STS: variants seen among roughly 807,000 people sequenced by gnomAD.
The protein encoded by STS is steroid sulfatase, also known as steryl-sulfatase.
In STS, 7 loss-of-function variants were observed where a neutral mutation model predicts 26.8. That is an observed-to-expected ratio of 0.26 (90% CI 0.15 to 0.49). The LOEUF is 0.49. Ranked by LOEUF, STS falls within the 20% of genes least tolerant of loss-of-function variation. The pLI is 0.98. For synonymous variants in STS, 199 were observed against 189.4 expected (o/e 1.05, Z -0.42); for missense variants, 434 against 465.6 (o/e 0.93, Z 0.63).
intron 7 of STS, among the ~76,000 whole-genome samples, chrX:7,288,686 G>A (rs1179194700): frequency 9.6e-6 from 1 of 104,560 alleles, no homozygotes; most frequent in African/African-American, 3.6e-5. Flanking sequence ...GTGTGTGTCT[G>A]TGATGGACCA....
chrX:7,206,878 T>C (rs1484099473), intron 2 of STS, among the ~76,000 whole-genome samples: 1 of 112,395 alleles, frequency 8.9e-6, no homozygotes, highest in African/African-American at 3.2e-5. Flanking sequence ...ATTCTTTTTC[T>C]GTACTCCATT....
At chrX:7,250,112 A>G (rs756622075) in intron 2 of STS, among the ~76,000 whole-genome samples, 8 of 109,885 alleles carry the variant, frequency 7.3e-5, no homozygotes, top group Non-Finnish European at 1.5e-4. Context: ...ATTTTTTTGT[A>G]GAGATAGGAA....
At chrX:7,309,013 CT>C (rs1241111011) in intron 8 of STS, among the ~76,000 whole-genome samples, 3 of 109,150 alleles carry the variant, frequency 2.7e-5, no homozygotes, top group Non-Finnish European at 3.8e-5. Context: ...GCTATTTGAA[CT>C]TTTTTTTTTC....
chrX:7,259,518 C>T lies in STS; in HGVS notation c.552C>T (p.Pro184=). Residue 184 remains proline (P), a synonymous_variant, in exon 6 of 11, where the codon CCC becomes CCT. Coordinates refer to ENST00000674429, the MANE Select transcript of STS (RefSeq NM_001320752.2). ...GCTTCAAGAGGCTGGTCTTCCTCCC[C>T]CTGCAGATCGTCGGGGTCACCCTCC... is the stretch of plus-strand genomic sequence containing the variant. The part of the protein sequence containing the change: ...TTGFKRLVFL[P]LQIVGVTLLT... 1.7e-6 allele frequency: 2 copies of T among 1,211,866 alleles called. No homozygotes were observed. The highest frequency in any genetic ancestry group is 2.2e-6 in the Non-Finnish European group (2 of 895,466).
intron 1 of STS, among the ~76,000 whole-genome samples, chrX:7,160,394 A>T (rs776212660): frequency 1.2e-4 from 14 of 112,420 alleles, no homozygotes; most frequent in Non-Finnish European, 1.7e-4. Flanking sequence ...ATATGTTTTC[A>T]TTTGCTCATT....
At position 7,277,065 on chromosome X, in the gene STS, T is replaced by G. The variant is rs188914904; in HGVS notation, c.943+978T>G. ...CTGAATGAGGTAGGGAAGGCCTTAGTGTGTGAGTTACGCAAAGGAGTGAAA... is the reference window on the plus strand; with the variant it reads ...CTGAATGAGGTAGGGAAGGCCTTAGGGTGTGAGTTACGCAAAGGAGTGAAA... On this transcript the variant is annotated intron_variant, in intron 7 of 10. Transcript: ENST00000674429. Among the ~76,000 whole-genome samples, 16 of 111,255 alleles carry G rather than the reference T, an allele frequency of 1.4e-4. No individual in the cohort carries two copies. In the East Asian group the frequency reaches 4.6e-3, roughly 32 times the overall value.
chrX:7,170,876 A>G (rs1933453586), intron 1 of STS, among the ~76,000 whole-genome samples: 1 of 111,758 alleles, frequency 8.9e-6, no homozygotes, highest in African/African-American at 3.3e-5. Flanking sequence ...GAGTCACTGT[A>G]TTGATAACTC....
intron 2 of STS, among the ~76,000 whole-genome samples, chrX:7,196,512 T>TA (rs60664866): frequency 8.5e-5 from 9 of 105,660 alleles, no homozygotes; most frequent in East Asian, 6.0e-4. Context: ...TGTACTGATG[T>TA]AAAAAAAAAA....
At chrX:7,194,820 A>C (rs767680716) in intron 2 of STS, among the ~76,000 whole-genome samples, 1 of 111,883 alleles carries the variant, frequency 8.9e-6, no homozygotes, top group East Asian at 2.8e-4. Flanking sequence ...ATACGTTCTG[A>C]GAAATGCTCT....
chrX:7,220,970 G>A lies in STS; in HGVS notation c.-5+29962G>A, dbSNP rs1321963168. Among the ~76,000 whole-genome samples, 4 of 111,664 alleles carry A rather than the reference G, an allele frequency of 3.6e-5. 1 individual carries two copies. The highest frequency in any genetic ancestry group is 9.5e-5 in the Admixed American group (1 of 10,504). On this transcript the variant is annotated intron_variant, in intron 2 of 10. Coordinates refer to ENST00000674429, the MANE Select transcript of STS (RefSeq NM_001320752.2). ...AATATTCCGACTCTGGTCTGACTTC[G>A]TGTAAACAGCTGAGTGGAACTCATC... is the stretch of plus-strand genomic sequence containing the variant.
At chrX:7,184,147 A>G (rs1483089733) in intron 1 of STS, among the ~76,000 whole-genome samples, 5 of 112,629 alleles carry the variant, frequency 4.4e-5, no homozygotes, top group African/African-American at 1.6e-4. Context: ...ACTATCCCCA[A>G]TGCACAACAA....
At chrX:7,309,656 A>C (rs1340683696) in intron 8 of STS, among the ~76,000 whole-genome samples, 1 of 111,933 alleles carries the variant, frequency 8.9e-6, no homozygotes, top group Non-Finnish European at 1.9e-5. Context: ...TCATCCTTCC[A>C]TTAAATTCAA....
chrX:7,207,425 G>A (rs1054662568), intron 2 of STS, among the ~76,000 whole-genome samples: 1 of 112,305 alleles, frequency 8.9e-6, no homozygotes, highest in Non-Finnish European at 1.9e-5. Context: ...TACAGGATTG[G>A]AGAATGGTGG....
chrX:7,168,468 C>T (rs1414373048), intron 1 of STS, among the ~76,000 whole-genome samples: 1 of 111,879 alleles, frequency 8.9e-6, no homozygotes, highest in Non-Finnish European at 1.9e-5. Flanking sequence ...TCCTGCAATG[C>T]ATCACAGTAA....
rs747388197 is a variant in STS, at chrX:7,272,179, G to A, written c.807-3772G>A. 2.9e-5 allele frequency among the ~76,000 whole-genome samples: 3 copies of A among 102,906 alleles called. 1 individual carries two copies. In the South Asian group the frequency reaches 1.3e-3, roughly 46 times the overall value. The allele number at this position is 102,906 out of a possible 115,157, so 89.4% of individuals were successfully genotyped here. A position where few individuals can be genotyped will look rare whatever the true frequency, so the allele number is the denominator to read the frequency against. Reference sequence around the variant, plus strand: ...TTTTTGGCTATCATGAGAAGTTAAGGAAGCCAGGAATACATAGAAGAAAAA... The same window carrying A: ...TTTTTGGCTATCATGAGAAGTTAAGAAAGCCAGGAATACATAGAAGAAAAA... On this transcript the variant is annotated intron_variant, in intron 6 of 10. Coordinates refer to ENST00000674429, the MANE Select transcript of STS (RefSeq NM_001320752.2).
At chrX:7,321,969 C>T (rs948153675) in intron 8 of STS, among the ~76,000 whole-genome samples, 4 of 112,252 alleles carry the variant, frequency 3.6e-5, no homozygotes, top group African/African-American at 9.7e-5. Context: ...CATCCCTCAA[C>T]GGGAGGTGTT....
At chrX:7,268,841 G>A (rs1276118487) in intron 6 of STS, among the ~76,000 whole-genome samples, 13 of 110,204 alleles carry the variant, frequency 1.2e-4, no homozygotes, top group African/African-American at 4.3e-4. Context: ...GCAAGACCCT[G>A]TGTCTACAAA....
intron 6 of STS, 82 bp downstream of exon 6, chrX:7,259,854 G>GT: frequency 9.0e-7 from 1 of 1,116,939 alleles, no homozygotes; most frequent in Non-Finnish European, 1.2e-6. Context: ...AACCAACAGG[G>GT]TTTTGTTGTT....
At chrX:7,262,542 A>G (rs1180178383) in intron 6 of STS, among the ~76,000 whole-genome samples, 1 of 112,156 alleles carries the variant, frequency 8.9e-6, no homozygotes, top group Non-Finnish European at 1.9e-5. Context: ...TGATTTTCAA[A>G]TTTGTTTTAA....
Sources: gnomAD v4.1 joint callset for allele counts (sites outside exome capture counted in the v4.1 genomes callset) on GRCh38, gnomAD v4.1.1 for gene constraint, MANE v1.5 for transcripts, NCBI Gene and HGNC (gene_info 2026-07-23, HGNC 2026-07-21) for gene names.